Variants in SHTN1 observed in about 807,000 individuals in gnomAD.
SHTN1 encodes the protein shootin-1.
In SHTN1, 42 loss-of-function variants were observed where a neutral mutation model predicts 83.1. The observed-to-expected ratio is 0.51, with a 90% CI of 0.39 to 0.65. SHTN1 has a LOEUF of 0.65. Ranked by LOEUF, SHTN1 falls within the 30% of genes least tolerant of loss-of-function variation. The probability of loss-of-function intolerance (pLI) is 0.00; values close to 1 mark genes in which losing one functional copy is unlikely to be tolerated. For missense variants in SHTN1, 622 were observed against 737.8 expected, an observed-to-expected ratio of 0.84 and a Z score of 1.82; for synonymous variants, 224 against 247.7, an observed-to-expected ratio of 0.90 and a Z score of 0.90.
At position 117,065,496 on chromosome 10, in the gene SHTN1, T is replaced by C. The variant is rs552204626; in HGVS notation, c.-188-16986A>G. Among the ~76,000 whole-genome samples, 7 of 151,264 alleles carry C rather than the reference T, an allele frequency of 4.6e-5. 1 individual carries two copies. The highest frequency in any genetic ancestry group is 1.3e-4 in the Admixed American group (2 of 15,144). ...ACTTTGGGAGGCCGAGGCAAGTGGA[T>C]TGCTTGAGGTCAGGAGTTTGAGACC... On this transcript the variant is annotated intron_variant, in intron 1 of 17. Transcript: ENST00000392901.
At chr10:116,994,826 G>A (rs1851570423) in intron 1 of SHTN1, among the ~76,000 whole-genome samples, 2 of 150,528 alleles carry the variant, frequency 1.3e-5, no homozygotes, top group South Asian at 4.2e-4. Context: ...ACTAACTTTA[G>A]GATTTCCAGA....
At chr10:117,035,773 C>A (rs1852485341) in intron 2 of SHTN1, among the ~76,000 whole-genome samples, 1 of 151,300 alleles carries the variant, frequency 6.6e-6, no homozygotes, top group Non-Finnish European at 1.5e-5. Context: ...TGGAGAAACC[C>A]CGTCTCTACT....
At chr10:117,008,310 C>T (rs185764407), upstream of SHTN1, among the ~76,000 whole-genome samples, 3 of 151,780 alleles carry the variant, frequency 2.0e-5, no homozygotes, top group Non-Finnish European at 4.4e-5. Flanking sequence ...TTTAATTTTT[C>T]AGGTAATTAA....
chr10:116,881,872 A>C lies in SHTN1; in HGVS notation c.*4472T>G. 1 of 417,844 alleles carries C rather than the reference A, an allele frequency of 2.4e-6. No homozygotes were observed. The highest frequency in any genetic ancestry group is 4.1e-6 in the Non-Finnish European group (1 of 240,986). 25.9% of individuals were successfully genotyped at this position (417,844 alleles called of 1,614,324 possible). On this transcript the variant is annotated 3_prime_UTR_variant, in exon 17 of 17. Transcript: ENST00000355371. The stretch of plus-strand genomic sequence containing the variant: ...CTGTGAACTTCGTTTTGCAGCCACC[A>C]CACTTCCATGTGGATTTTGTTTGTC...
chr10:116,955,754 A>G (rs1345928628), intron 4 of SHTN1, among the ~76,000 whole-genome samples: 1 of 152,186 alleles, frequency 6.6e-6, no homozygotes, highest in Non-Finnish European at 1.5e-5. Context: ...AAGAATCTCT[A>G]AGAAATGGTT....
At chr10:117,100,155 C>A (rs554653643) in intron 1 of SHTN1, among the ~76,000 whole-genome samples, 38 of 152,154 alleles carry the variant, frequency 2.5e-4, no homozygotes, top group African/African-American at 8.0e-4. Context: ...CCAGCCTGGG[C>A]AACAACAGCG....
intron 2 of SHTN1, among the ~76,000 whole-genome samples, chr10:117,044,238 T>G (rs1319881304): frequency 1.3e-5 from 2 of 151,936 alleles, no homozygotes; most frequent in African/African-American, 4.8e-5. Context: ...CTTATACACA[T>G]ATTTTTATAA....
chr10:117,055,410 G>A (rs906557792), intron 1 of SHTN1, among the ~76,000 whole-genome samples: 7 of 152,172 alleles, frequency 4.6e-5, no homozygotes, highest in Admixed American at 2.0e-4. Context: ...ACAGACTTTG[G>A]TTTTTCCATT....
At chr10:117,048,505 G>A in exon 2 of SHTN1, 1 of 984,438 alleles carries the variant, frequency 1.0e-6, no homozygotes, top group Non-Finnish European at 1.2e-6. Context: ...TGATTGGAGG[G>A]CAAACCTGAA....
At chr10:116,924,909 C>T (rs553234213) in intron 11 of SHTN1, among the ~76,000 whole-genome samples, 2 of 152,122 alleles carry the variant, frequency 1.3e-5, no homozygotes, top group African/African-American at 4.8e-5. Context: ...AGGCACCCAC[C>T]ACGCCTGGCT....
intron 1 of SHTN1, among the ~76,000 whole-genome samples, chr10:116,996,351 C>T (rs1199205516): frequency 1.3e-5 from 2 of 152,150 alleles, no homozygotes; most frequent in Non-Finnish European, 2.9e-5. Context: ...TTCTCCCACC[C>T]TTTGACCTGG....
chr10:116,911,847 T>C lies in SHTN1; in HGVS notation c.1306-4A>G, dbSNP rs1223068577. ...CGCAGCCTTTCGAAGATTCTGGCTA[T>C]AATTTTAATAAGAAAGAAAAATCAC... On this transcript the variant is annotated splice_region_variant and splice_polypyrimidine_tract_variant and intron_variant, in intron 13 of 16. Coordinates refer to ENST00000355371, the MANE Select transcript of SHTN1 (RefSeq NM_001127211.3). The C allele has an allele frequency of 1.2e-6, 2 of 1,607,194 alleles. No individual in the cohort carries two copies. Among genetic ancestry groups the C allele is most frequent in the East Asian group, 2.2e-5 (1 of 44,816 alleles).
At chr10:116,970,340 T>C (rs1021061123) in intron 2 of SHTN1, among the ~76,000 whole-genome samples, 1 of 152,196 alleles carries the variant, frequency 6.6e-6, no homozygotes, top group Non-Finnish European at 1.5e-5. Context: ...TTTTTAATAA[T>C]AGTACATCAT....
rs113198612 is a variant in SHTN1 at position 116,939,574 on chromosome 10, G to A, written c.858+892C>T. Among the ~76,000 whole-genome samples, 16 of 152,306 alleles carry A rather than the reference G, an allele frequency of 1.1e-4. No individual in the cohort carries two copies. In the East Asian group the frequency reaches 2.5e-3, roughly 24 times the overall value. The stretch of plus-strand genomic sequence containing the variant: ...CCCGCCTTCTGCGTTGATCCCGCTC[G>A]GAGCTGCAGACCGGAGCTGTTCGTA... On this transcript the variant is annotated intron_variant, in intron 9 of 16. Transcript: ENST00000355371.
At chr10:116,958,569 C>G (rs548325463) in intron 4 of SHTN1, among the ~76,000 whole-genome samples, 37 of 152,262 alleles carry the variant, frequency 2.4e-4, no homozygotes, top group African/African-American at 7.9e-4. Flanking sequence ...ATGCCTGGGC[C>G]ACACATCTAG....
chr10:116,914,469 T>TAA (rs75969895), intron 13 of SHTN1, among the ~76,000 whole-genome samples: 5 of 135,084 alleles, frequency 3.7e-5, no homozygotes, highest in Admixed American at 7.5e-5. Flanking sequence ...AGACTCCATC[T>TAA]AAAAAAAAAA....
chr10:116,957,617 G>T (rs1171926414), intron 4 of SHTN1, among the ~76,000 whole-genome samples: 1 of 152,082 alleles, frequency 6.6e-6, no homozygotes, highest in Admixed American at 6.5e-5. Context: ...TGTAAATAGG[G>T]TTTTTATATT....
At chr10:116,917,327 G>A (rs1848413971) in intron 12 of SHTN1, among the ~76,000 whole-genome samples, 1 of 151,754 alleles carries the variant, frequency 6.6e-6, no homozygotes, top group Non-Finnish European at 1.5e-5. Context: ...TTTTTGAGAT[G>A]GAGTCTTGCT....
intron 1 of SHTN1, among the ~76,000 whole-genome samples, chr10:117,112,283 A>G (rs1853779533): frequency 6.6e-6 from 1 of 152,052 alleles, no homozygotes; most frequent in Admixed American, 6.6e-5. Context: ...TCTTAATAAT[A>G]AAGTCCTGGT....
Sources: allele counts gnomAD v4.1 joint callset (sites outside exome capture counted in the v4.1 genomes callset), GRCh38; gene constraint gnomAD v4.1.1; transcripts MANE v1.5; gene names NCBI Gene and HGNC (gene_info 2026-07-23, HGNC 2026-07-21).